MYT1L: variants seen among roughly 807,000 people sequenced by gnomAD.
MYT1L encodes myelin transcription factor 1-like protein.
In MYT1L, 12 loss-of-function variants were observed where a neutral mutation model predicts 126.7. The observed-to-expected ratio is 0.09, with a 90% CI of 0.06 to 0.15. The LOEUF (loss-of-function observed/expected upper bound fraction) is 0.15. MYT1L is among the 10% of genes least tolerant of loss of function. The pLI, the probability that MYT1L is intolerant of heterozygous loss-of-function variation, is 1.00. For synonymous variants in MYT1L, 541 were observed against 604.2 expected (o/e 0.90, Z 1.53); for missense variants, 979 against 1,585.2 (o/e 0.62, Z 6.49).
intron 2 of MYT1L, among the ~76,000 whole-genome samples, chr2:2,278,673 A>G (rs1165813741): frequency 2.0e-5 from 3 of 152,236 alleles, no homozygotes; most frequent in Non-Finnish European, 4.4e-5. Context: ...TTAAGAAATC[A>G]ACAGTAATTA....
chr2:2,119,099 C>A (rs1269444681), intron 3 of MYT1L, among the ~76,000 whole-genome samples: 1 of 152,216 alleles, frequency 6.6e-6, no homozygotes, highest in Non-Finnish European at 1.5e-5. Flanking sequence ...TACACTGAAA[C>A]CTTACGCTAC....
At chr2:2,325,536 T>C (rs1365507388) in intron 1 of MYT1L, 1 of 152,238 alleles carries the variant, frequency 6.6e-6, no homozygotes, top group Non-Finnish European at 1.5e-5. Flanking sequence ...ATTAGCATTT[T>C]TTTCTGGCTT....
In MYT1L at chr2:2,015,020, T is replaced by A. The variant is rs1035594194; in HGVS notation, c.-157-17673A>T. The stretch of plus-strand genomic sequence containing the variant: ...TGACACAGCGTTAAAATCAAAATTG[T>A]GTTTTAGGGTGATCTTTTCGGCCCT... On this transcript the variant is annotated intron_variant, in intron 4 of 24. Coordinates refer to ENST00000647738, the MANE Select transcript of MYT1L (RefSeq NM_001303052.2). Among the ~76,000 whole-genome samples the A allele has an allele frequency of 2.0e-5, 3 of 152,328 alleles. No homozygotes were observed. In the East Asian group the frequency reaches 5.8e-4, roughly 29 times the overall value.
At chr2:2,128,961 C>T (rs1349168915) in intron 3 of MYT1L, among the ~76,000 whole-genome samples, 2 of 152,144 alleles carry the variant, frequency 1.3e-5, no homozygotes, top group East Asian at 3.9e-4. Context: ...GCCAAGGAAA[C>T]AGAAGAGAGA....
At chr2:2,037,858 C>T (rs979982346) in intron 4 of MYT1L, among the ~76,000 whole-genome samples, 5 of 151,740 alleles carry the variant, frequency 3.3e-5, no homozygotes, top group Admixed American at 2.6e-4. Flanking sequence ...TACAGTTTTT[C>T]AAAATATACA....
chr2:1,885,469 G>C (rs2048057294), intron 18 of MYT1L: 1 of 152,662 alleles, frequency 6.6e-6, no homozygotes. Context: ...AGGTGATCTA[G>C]GGCCCTAGGG....
chr2:2,144,503 C>G (rs762566257), intron 3 of MYT1L, among the ~76,000 whole-genome samples: 3 of 152,228 alleles, frequency 2.0e-5, no homozygotes, highest in Non-Finnish European at 2.9e-5. Flanking sequence ...AGAATCCCTG[C>G]CCCTGAATCT....
chr2:2,298,531 C>G (rs1403324019), intron 1 of MYT1L, among the ~76,000 whole-genome samples: 2 of 152,168 alleles, frequency 1.3e-5, no homozygotes, highest in African/African-American at 4.8e-5. Flanking sequence ...TCAAAGTGAA[C>G]TTTTCTCTAA....
At chr2:2,093,619 A>C (rs1030982117) in intron 3 of MYT1L, among the ~76,000 whole-genome samples, 5 of 151,708 alleles carry the variant, frequency 3.3e-5, no homozygotes, top group African/African-American at 1.2e-4. Context: ...GATTGCAAAA[A>C]TTTTCTCCCA....
Position 2,306,470 on chromosome 2 carries a change from G to A in MYT1L, c.-520-21967C>T, listed in dbSNP as rs141450179. Among the ~76,000 whole-genome samples the A allele has an allele frequency of 2.9e-3, 435 of 152,264 alleles. 2 individuals carry two copies. The highest frequency in any genetic ancestry group is 6.8e-3 in the Middle Eastern group (2 of 294). On this transcript the variant is annotated intron_variant, in intron 1 of 24. Coordinates refer to ENST00000647738, the MANE Select transcript of MYT1L (RefSeq NM_001303052.2). ...CCTGGAATCTTTATTCCACATCATTGTCACAGTAAGTCTCCCAGAAACGCA... is the reference window on the plus strand; with the variant it reads ...CCTGGAATCTTTATTCCACATCATTATCACAGTAAGTCTCCCAGAAACGCA...
chr2:1,923,190 T>G lies in MYT1L; in HGVS notation c.579A>C (p.Glu193Asp). ...CCACCAGTTCATCGTAATTGTCATA[T>G]TCGTCATTATTGTTATCATCCTTTT... ...DTEKDDNNNDEYDNYDELVAK... is the reference protein window; with the variant it reads ...DTEKDDNNNDDYDNYDELVAK... Residue 193 changes from glutamate to aspartate, a missense_variant, in exon 10 of 25, where the codon GAA (glutamate) becomes GAC (aspartate). By Grantham distance (45) the Glu-to-Asp change is conservative. This residue lies in a region of MYT1L where 243 missense variants were observed against 363.9 expected (regional missense o/e 0.67). Transcript: ENST00000647738. 1 of 1,613,842 alleles carries G rather than the reference T, an allele frequency of 6.2e-7. No homozygotes were observed. Among genetic ancestry groups the G allele is most frequent in the Non-Finnish European group, 8.5e-7 (1 of 1,179,772 alleles).
intron 9 of MYT1L, among the ~76,000 whole-genome samples, chr2:1,941,571 G>C (rs899052714): frequency 1.3e-5 from 2 of 152,186 alleles, no homozygotes; most frequent in Admixed American, 6.5e-5. Context: ...ATGATGGTAA[G>C]TCTGTTGATA....
At chr2:2,237,459 G>A (rs1323379834) in intron 2 of MYT1L, among the ~76,000 whole-genome samples, 1 of 152,208 alleles carries the variant, frequency 6.6e-6, no homozygotes, top group Non-Finnish European at 1.5e-5. Context: ...ATGGCAGTAT[G>A]AGGGATGTGA....
At chr2:1,967,938 G>A (rs1012624193) in intron 8 of MYT1L, among the ~76,000 whole-genome samples, 3 of 152,290 alleles carry the variant, frequency 2.0e-5, no homozygotes, top group South Asian at 4.1e-4. Context: ...CCTGGGAGGA[G>A]AGGAGCTTCC....
Position 1,884,699 on chromosome 2 carries a change from G to T in MYT1L, c.2711+1840C>A, listed in dbSNP as rs576081080. On this transcript the variant is annotated intron_variant, in intron 18 of 24. Coordinates refer to ENST00000647738, the MANE Select transcript of MYT1L (RefSeq NM_001303052.2). ...CAGAATAGGATTGACTTTTTGCAAA[G>T]ATAGGTTTAGACACATGTGTGGCTT... Among the ~76,000 whole-genome samples, 27 of 152,326 alleles carry T rather than the reference G, an allele frequency of 1.8e-4. 1 individual carries two copies. In the South Asian group the frequency reaches 5.4e-3, roughly 30 times the overall value.
chr2:1,912,004 C>G lies in MYT1L; in HGVS notation c.1709+16G>C. ...CCGGTGCTCCCTCCCACACCAGTGA[C>G]CCACGCGTGGCTTACCTTCGGTGGG... On this transcript the variant is annotated intron_variant, in intron 12 of 24. Coordinates refer to ENST00000647738, the MANE Select transcript of MYT1L (RefSeq NM_001303052.2). The surrounding 1 kb of genome is among the most constrained non-coding windows in gnomAD (Gnocchi z 4.3). 6.3e-7 allele frequency: 1 copy of G among 1,578,008 alleles called. No homozygotes were observed. The highest frequency in any genetic ancestry group is 1.2e-5 in the South Asian group (1 of 85,930).
intron 4 of MYT1L, among the ~76,000 whole-genome samples, chr2:2,002,219 A>G (rs976591250): frequency 1.4e-4 from 21 of 152,014 alleles, no homozygotes; most frequent in African/African-American, 4.6e-4. Flanking sequence ...GCTGGGGTAT[A>G]TTTTCTCCAT....
intron 10 of MYT1L, among the ~76,000 whole-genome samples, chr2:1,920,720 A>T (rs1178804345): frequency 6.6e-6 from 1 of 152,264 alleles, no homozygotes; most frequent in Non-Finnish European, 1.5e-5. Context: ...AATTTCTAAT[A>T]GATAATTTTA....
intron 3 of MYT1L, among the ~76,000 whole-genome samples, chr2:2,132,050 A>G (rs2082432237): frequency 1.3e-5 from 2 of 151,560 alleles, no homozygotes; most frequent in South Asian, 4.2e-4. Flanking sequence ...CTGGGATTAC[A>G]GCAGGTGCCA....
Sources: allele counts gnomAD v4.1 joint callset (sites outside exome capture counted in the v4.1 genomes callset), GRCh38; gene constraint gnomAD v4.1.1; regional missense constraint gnomAD v4.1.1; non-coding constraint Gnocchi (gnomAD v3.1); transcripts MANE v1.5; gene names NCBI Gene and HGNC (gene_info 2026-07-23, HGNC 2026-07-21).